The following SLC19A3 variants were observed in gnomAD, a reference collection of about 807,000 sequenced individuals.
SLC19A3 encodes solute carrier family 19 member 3, also known as thiamine transporter 2.
A neutral mutation model predicts 40.2 loss-of-function variants in SLC19A3; 31 were observed. The ratio of observed to expected loss-of-function variants is 0.77; its 90% CI spans 0.58 to 1.04. SLC19A3 has a LOEUF of 1.04. Ranked by LOEUF, SLC19A3 falls within the 50% of genes least tolerant of loss-of-function variation. SLC19A3 has a pLI of 0.00. For synonymous variants in SLC19A3, 212 were observed against 227.5 expected, an observed-to-expected ratio of 0.93 and a Z score of 0.61; for missense variants, 592 against 596.7, an observed-to-expected ratio of 0.99 and a Z score of 0.08.
rs917003468 is a variant in SLC19A3 at position 227,685,003 on chromosome 2, A to G, written c.*2394T>C. 1.0e-4 allele frequency: 15 copies of G among 149,884 alleles called. No individual in the cohort carries two copies. The highest frequency in any genetic ancestry group is 3.7e-4 in the African/African-American group (15 of 40,334). The allele number at this position is 149,884 out of a possible 1,614,324, so 9.3% of individuals were successfully genotyped here. A position where few individuals can be genotyped will look rare whatever the true frequency, so the allele number is the denominator to read the frequency against. ...ATCAAAAAAAAAAAAAAAAAAAAAA[A>G]AAGAAGAAGAAGAAAAAGAATAGCG... On this transcript the variant is annotated 3_prime_UTR_variant, in exon 6 of 6. Coordinates refer to ENST00000644224, the MANE Select transcript of SLC19A3 (RefSeq NM_025243.4).
intron 4 of SLC19A3, among the ~76,000 whole-genome samples, chr2:227,688,922 G>A (rs1165162155): frequency 2.0e-5 from 3 of 152,096 alleles, no homozygotes; most frequent in African/African-American, 7.2e-5. Context: ...ATTTAATAAA[G>A]AGATTGAAAT....
rs1258441503 is a variant in SLC19A3, at chr2:227,688,219, T to A, written c.1261A>T (p.Met421Leu). 1 of 1,614,108 alleles carries A rather than the reference T, an allele frequency of 6.2e-7. No individual in the cohort carries two copies. The highest frequency in any genetic ancestry group is 1.7e-5 in the Admixed American group (1 of 60,016). Residue 421 changes from methionine (M) to leucine (L), a missense_variant, in exon 5 of 6, where the codon ATG becomes TTG. Met to Leu is a conservative substitution (Grantham distance 15). Transcript: ENST00000644224. ...CTCTGATCTACTACAATCACAGTCA[T>A]GATGGTCTGAATCACCAAGGCAATA... ...TFIALVIQTI[M>L]TVIVVDQRGL...
At position 227,685,319 on chromosome 2, in the gene SLC19A3, T is replaced by C. The variant is rs533012333; in HGVS notation, c.*2078A>G. The C allele has an allele frequency of 9.2e-5, 14 of 152,396 alleles. No individual in the cohort carries two copies. Among genetic ancestry groups the C allele is most frequent in the African/African-American group, 3.1e-4 (13 of 41,552 alleles). The allele number at this position is 152,396 out of a possible 1,614,324, so 9.4% of individuals were successfully genotyped here. On this transcript the variant is annotated 3_prime_UTR_variant, in exon 6 of 6. Transcript: ENST00000644224. ...TTTTTACTCATGGCAGAAGGCAAAGTGGGAGCAGGCATCTTCACGTGGCCA... is the reference window on the plus strand; with the variant it reads ...TTTTTACTCATGGCAGAAGGCAAAGCGGGAGCAGGCATCTTCACGTGGCCA...
intron 1 of SLC19A3, among the ~76,000 whole-genome samples, chr2:227,710,566 C>A (rs1265800515): frequency 2.6e-5 from 4 of 152,002 alleles, no homozygotes; most frequent in African/African-American, 9.7e-5. Context: ...TCAAGACCCG[C>A]CTGGGCAACA....
chr2:227,707,974 T>C (rs1696008878), intron 1 of SLC19A3, among the ~76,000 whole-genome samples: 1 of 152,150 alleles, frequency 6.6e-6, no homozygotes. Context: ...GGTGATCCAC[T>C]TGCCTTGGCC....
At chr2:227,702,418 G>C (rs1203891059) in intron 1 of SLC19A3, 98 bp from the exon 2 acceptor site, 1 of 1,200,866 alleles carries the variant, frequency 8.3e-7, no homozygotes, top group Non-Finnish European at 1.2e-6. Flanking sequence ...TTTTGAGATG[G>C]AGGGTCGCTC....
chr2:227,701,206 C>T, intron 2 of SLC19A3: 3 of 752,744 alleles, frequency 4.0e-6, no homozygotes, highest in Non-Finnish European at 5.7e-6. Flanking sequence ...AGGCACCCAT[C>T]AGCCTTGCAG....
chr2:227,687,425 C>G lies in SLC19A3; in HGVS notation c.1463G>C (p.Ser488Thr), dbSNP rs540774490. Reference sequence around the variant, plus strand: ...GAGTTTTGTTGACATGATGATATTACTCTCTTCCTCTGGGTGAGACACATC... The same window carrying G: ...GAGTTTTGTTGACATGATGATATTAGTCTCTTCCTCTGGGTGAGACACATC... ...NPDVSHPEEESNIIMSTKL is the reference protein window; with the variant it reads ...NPDVSHPEEETNIIMSTKL The change falls in exon 6 of 6, where the codon AGT (serine) becomes ACT (threonine). Residue 488 changes from serine (S) to threonine (T), a missense_variant. Ser to Thr is a moderately conservative substitution (Grantham distance 58). Transcript: ENST00000644224. 16 of 1,613,252 alleles carry G rather than the reference C, an allele frequency of 9.9e-6. No homozygotes were observed. In the Middle Eastern group the frequency reaches 5.0e-4, roughly 50 times the overall value.
rs1393851716 is a variant in SLC19A3, at chr2:227,688,278, T to A, written c.1202A>T (p.Glu401Val). 1 of 1,613,954 alleles carries A rather than the reference T, an allele frequency of 6.2e-7. No homozygotes were observed. The highest frequency in any genetic ancestry group is 2.2e-5 in the East Asian group (1 of 44,880). ...VFQIAVNLNV[E>V]RYALVFGINT... is the part of the protein sequence containing the mutation. ...GATTCCAAATACCAAGGCATAGCGT[T>A]CCACATTCAGATTAACTGCAATCTG... The change falls in exon 5 of 6, where the codon GAA becomes GTA. Residue 401 changes from glutamate to valine, a missense_variant. By Grantham distance (121) the Glu-to-Val change is moderately radical. Transcript: ENST00000644224.
At chr2:227,713,657 C>T (rs1209532048) in intron 1 of SLC19A3, among the ~76,000 whole-genome samples, 2 of 151,964 alleles carry the variant, frequency 1.3e-5, no homozygotes, top group Non-Finnish European at 2.9e-5. Flanking sequence ...AGAAGTGCCC[C>T]CTAAACCTTG....
At chr2:227,688,766 A>G (rs897790928) in intron 4 of SLC19A3, among the ~76,000 whole-genome samples, 7 of 152,164 alleles carry the variant, frequency 4.6e-5, no homozygotes, top group African/African-American at 1.7e-4. Context: ...AAACGTTCTC[A>G]CCAAACAAAC....
chr2:227,688,196 C>G lies in SLC19A3; in HGVS notation c.1284G>C (p.Gln428His), dbSNP rs1430733241. Residue 428 changes from glutamine to histidine, a missense_variant, in exon 5 of 6, where the codon CAG becomes CAC. Gln to His is a conservative substitution (Grantham distance 24). Coordinates refer to ENST00000644224, the MANE Select transcript of SLC19A3 (RefSeq NM_025243.4). Reference sequence around the variant, plus strand: ...TGCTGACTGGCAAGTTGAGCCCTCTCTGATCTACTACAATCACAGTCATGA... The same window carrying G: ...TGCTGACTGGCAAGTTGAGCCCTCTGTGATCTACTACAATCACAGTCATGA... ...QTIMTVIVVD[Q>H]RGLNLPVSIQ... 1 of 1,614,112 alleles carries G rather than the reference C, an allele frequency of 6.2e-7. No individual in the cohort carries two copies. The highest frequency in any genetic ancestry group is 1.7e-5 in the Admixed American group (1 of 60,016).
chr2:227,699,615 G>T, intron 2 of SLC19A3, 51 bp from the exon 3 acceptor site: 1 of 1,491,060 alleles, frequency 6.7e-7, no homozygotes, highest in Non-Finnish European at 9.3e-7. Context: ...CTTTACTAAG[G>T]TACCTGTGGT....
Position 227,702,160 on chromosome 2 carries a change from T to C in SLC19A3, c.150+9A>G. The C allele has an allele frequency of 6.2e-7, 1 of 1,611,044 alleles. No homozygotes were observed. The highest frequency in any genetic ancestry group is 8.5e-7 in the Non-Finnish European group (1 of 1,177,238). ...AACCACATTAAGATATGTATGTATG[T>C]TAACTTACCTCTGCACTGGTCAGGT... On this transcript the variant is annotated intron_variant, in intron 2 of 5. Transcript: ENST00000644224.
In SLC19A3 at chr2:227,685,118, C is replaced by G. The variant is rs1694968919; in HGVS notation, c.*2279G>C. 1 of 151,596 alleles carries G rather than the reference C, an allele frequency of 6.6e-6. No homozygotes were observed. Among genetic ancestry groups the G allele is most frequent in the South Asian group, 2.1e-4 (1 of 4,798 alleles). 9.4% of individuals were successfully genotyped at this position (151,596 alleles called of 1,614,324 possible). On this transcript the variant is annotated 3_prime_UTR_variant, in exon 6 of 6. Coordinates refer to ENST00000644224, the MANE Select transcript of SLC19A3 (RefSeq NM_025243.4). ...ATTGATTCTTGGGCTGGATCTTAGT[C>G]CAGTGAAGAATTTCGGGATTTGGAG...
At chr2:227,688,025 G>T in intron 5 of SLC19A3, 141 bp downstream of exon 5, 1 of 922,844 alleles carries the variant, frequency 1.1e-6, no homozygotes, top group Non-Finnish European at 1.7e-6. Context: ...AACCTACTTG[G>T]TGTGTTATAA....
At chr2:227,711,321 G>A (rs1329681315) in intron 1 of SLC19A3, among the ~76,000 whole-genome samples, 2 of 151,954 alleles carry the variant, frequency 1.3e-5, no homozygotes, top group African/African-American at 4.8e-5. Flanking sequence ...TTGGGAGGCT[G>A]AGGCACAAGA....
chr2:227,701,499 G>A (rs1025137002), intron 2 of SLC19A3: 8 of 162,462 alleles, frequency 4.9e-5, no homozygotes, highest in East Asian at 1.8e-4. Context: ...GCTCATGCCC[G>A]TAGTCCCAGC....
chr2:227,688,305 A>C lies in SLC19A3; in HGVS notation c.1175T>G (p.Phe392Cys). The stretch of plus-strand genomic sequence containing the variant: ...CACATTCAGATTAACTGCAATCTGA[A>C]ATCTATCATTAAACATAAATAAGCA... The part of the protein sequence containing the change: ...SYMLLITIAV[F>C]QIAVNLNVER... Residue 392 changes from phenylalanine (F) to cysteine (C), a missense_variant and splice_region_variant, in exon 5 of 6, where the codon TTT becomes TGT. Phe to Cys is a radical substitution (Grantham distance 205). Transcript: ENST00000644224. 1 of 1,613,800 alleles carries C rather than the reference A, an allele frequency of 6.2e-7. No individual in the cohort carries two copies. Among genetic ancestry groups the C allele is most frequent in the Non-Finnish European group, 8.5e-7 (1 of 1,179,704 alleles).
Sources: gnomAD v4.1 joint callset for allele counts (sites outside exome capture counted in the v4.1 genomes callset) on GRCh38, gnomAD v4.1.1 for gene constraint, MANE v1.5 for transcripts, NCBI Gene and HGNC (gene_info 2026-07-23, HGNC 2026-07-21) for gene names.